CHD2: variants seen among roughly 807,000 people sequenced by gnomAD.
The protein encoded by CHD2 is chromodomain helicase DNA binding protein 2.
Under a neutral mutation model 243.9 loss-of-function variants are expected in CHD2, and 28 were observed. That is an observed-to-expected ratio of 0.11 (90% CI 0.09 to 0.16). CHD2 has a LOEUF of 0.16. Among genes scored for constraint, CHD2 ranks in the 10% least tolerant of loss-of-function variants. The pLI, the probability that CHD2 is intolerant of heterozygous loss-of-function variation, is 1.00. For synonymous variants in CHD2, 775 were observed against 779.0 expected, an observed-to-expected ratio of 0.99 and a Z score of 0.09; for missense variants, 1,386 against 2,209.8, an observed-to-expected ratio of 0.63 and a Z score of 7.47.
intron 28 of CHD2, among the ~76,000 whole-genome samples, chr15:92,993,512 G>A (rs1191497220): frequency 6.6e-6 from 1 of 152,190 alleles, no homozygotes; most frequent in Non-Finnish European, 1.5e-5. Flanking sequence ...GACATGCAGT[G>A]TGTTTTCTCT....
chr15:93,009,426 C>CCCAGAAATCTTTT (rs1567162606), intron 35 of CHD2, 103 bp downstream of exon 35: 2 of 1,171,536 alleles, frequency 1.7e-6, no homozygotes, highest in African/African-American at 3.1e-5. Flanking sequence ...AGAAATCTTT[C>CCCAGAAATCTTTT]TCCCAGCACA....
chr15:93,004,766 C>G lies in CHD2; in HGVS notation c.4413+15C>G, dbSNP rs74029217. 1 of 1,607,722 alleles carries G rather than the reference C, an allele frequency of 6.2e-7. No homozygotes were observed. The highest frequency in any genetic ancestry group is 1.7e-5 in the Admixed American group (1 of 59,436). On this transcript the variant is annotated intron_variant, in intron 34 of 38. Coordinates refer to ENST00000394196, the MANE Select transcript of CHD2 (RefSeq NM_001271.4). ...CATTCAGCATAGTAAGTCTTGAAATCGGGGGGTGCCAGTGTCTGCAGCCGC... is the reference window on the plus strand; with the variant it reads ...CATTCAGCATAGTAAGTCTTGAAATGGGGGGGTGCCAGTGTCTGCAGCCGC...
At position 93,014,726 on chromosome 15, in the gene CHD2, G is replaced by C. The variant is rs1224787087; in HGVS notation, c.4723G>C (p.Gly1575Arg). ...AAAGAAGAAAGACGACGTGACTGGG[G>C]GTAAGAAACCATTTCGTCCAGAGGC... is the stretch of plus-strand genomic sequence containing the variant. ...EQKKKDDVTG[G>R]KKPFRPEASG... The change falls in exon 37 of 39, where the codon GGT becomes CGT. Residue 1575 changes from glycine (G) to arginine (R), a missense_variant. Around this residue, in one of 19 missense-constraint regions of CHD2, gnomAD observed 347 missense variants for 341.6 expected, o/e 1.02. Transcript: ENST00000394196. 1 of 1,614,006 alleles carries C rather than the reference G, an allele frequency of 6.2e-7. No individual in the cohort carries two copies.
chr15:92,946,958 G>T (rs2053479428), intron 12 of CHD2: 1 of 152,082 alleles, frequency 6.6e-6, no homozygotes, highest in Admixed American at 6.5e-5. Context: ...TAGAGAGCGG[G>T]AAGTGATAGA....
chr15:92,918,324 A>G (rs1299860359), intron 2 of CHD2, among the ~76,000 whole-genome samples: 1 of 152,150 alleles, frequency 6.6e-6, no homozygotes, highest in Admixed American at 6.5e-5. Flanking sequence ...TTTGATTGGA[A>G]TCTGAATTCC....
chr15:92,961,508 T>C (rs1293272383), intron 16 of CHD2, among the ~76,000 whole-genome samples: 1 of 152,188 alleles, frequency 6.6e-6, no homozygotes, highest in Non-Finnish European at 1.5e-5. Flanking sequence ...CAAGGGATCC[T>C]CCCACTTCTG....
intron 17 of CHD2, among the ~76,000 whole-genome samples, chr15:92,968,129 T>G (rs2053791692): frequency 6.6e-6 from 1 of 152,230 alleles, no homozygotes; most frequent in Non-Finnish European, 1.5e-5. Flanking sequence ...CAATTTATTT[T>G]TCTTTGCCTT....
intron 12 of CHD2, chr15:92,947,025 A>G (rs2141797650): frequency 6.6e-6 from 1 of 152,262 alleles, no homozygotes; most frequent in Middle Eastern, 3.4e-3. Flanking sequence ...CTTATTTGCT[A>G]GATTGGCTGA....
intron 16 of CHD2, 66 bp downstream of exon 16, chr15:92,956,715 T>C (rs2053620769): frequency 2.1e-6 from 3 of 1,462,704 alleles, no homozygotes; most frequent in South Asian, 1.3e-5. Context: ...TTTTTAACTT[T>C]CTTAGTAGAC....
intron 5 of CHD2, among the ~76,000 whole-genome samples, chr15:92,936,518 T>TGG (rs1317823898): frequency 6.6e-6 from 1 of 152,178 alleles, no homozygotes; most frequent in Non-Finnish European, 1.5e-5. Flanking sequence ...TAAAACTGTT[T>TGG]GGGATAGTAG....
At position 92,981,339 on chromosome 15, in the gene CHD2, ATTCGTGTTGGCTTTTG is replaced by A; in HGVS notation, c.2974-22_2974-7del. On this transcript the variant is annotated splice_polypyrimidine_tract_variant and intron_variant, in intron 23 of 38. Transcript: ENST00000394196. ...AACTCATCTGTTGCCATTTTATTCT[ATTCGTGTTGGCTTTTG>A]TTCTTTTAGGAAATGGATATAGATG... 1 of 1,562,924 alleles carries A rather than the reference ATTCGTGTTGGCTTTTG, an allele frequency of 6.4e-7. No individual in the cohort carries two copies. The highest frequency in any genetic ancestry group is 1.1e-5 in the South Asian group (1 of 89,510).
chr15:92,993,305 T>A, intron 28 of CHD2: 1 of 274,192 alleles, frequency 3.6e-6, no homozygotes, highest in East Asian at 8.0e-5. Context: ...GGTGGACACC[T>A]CTGTATTTTG....
chr15:92,999,083 C>CAAAAAAAAA (rs55738843), intron 31 of CHD2, among the ~76,000 whole-genome samples: 14 of 65,528 alleles, frequency 2.1e-4, no homozygotes, highest in Non-Finnish European at 2.4e-4. Flanking sequence ...GACTCCGTCT[C>CAAAAAAAAA]AAAAAAAAAA....
In CHD2 at chr15:93,027,169, T is replaced by C. The variant is rs922001614; in HGVS notation, c.*2464T>C. On this transcript the variant is annotated 3_prime_UTR_variant, in exon 39 of 39. Transcript: ENST00000394196. ...AAAAAGGAAGCATTTCTTCATTGAT[T>C]TAAATCAGTATGAATATTATATGCC... The C allele has an allele frequency of 1.3e-5, 2 of 152,628 alleles. No homozygotes were observed. Among genetic ancestry groups the C allele is most frequent in the Admixed American group, 1.3e-4 (2 of 15,280 alleles). 9.5% of individuals were successfully genotyped at this position (152,628 alleles called of 1,614,324 possible). A position where few individuals can be genotyped will look rare whatever the true frequency, so the allele number is the denominator to read the frequency against.
At chr15:92,976,215 A>G (rs1295044529) in intron 20 of CHD2, among the ~76,000 whole-genome samples, 1 of 152,134 alleles carries the variant, frequency 6.6e-6, no homozygotes, top group African/African-American at 2.4e-5. Context: ...CTTTTTGCAT[A>G]GCTCTCAGTT....
chr15:92,971,680 C>A, intron 17 of CHD2, 85 bp from the exon 18 acceptor site: 2 of 1,214,356 alleles, frequency 1.6e-6, no homozygotes, highest in Non-Finnish European at 2.2e-6. Flanking sequence ...CTCCACAATA[C>A]TACTACTATC....
rs541392047 is a variant in CHD2 at position 92,914,772 on chromosome 15, T to A, written c.63-9549T>A. 1.1e-4 allele frequency among the ~76,000 whole-genome samples: 17 copies of A among 152,298 alleles called. No homozygotes were observed. The South Asian group carries it at 2.1e-3, about 19-fold the overall frequency. Reference sequence around the variant, plus strand: ...GATCTAATTGGATTTTATTATTGATTAACAAATTAGGTAGCACCCCATCTA... The same window carrying A: ...GATCTAATTGGATTTTATTATTGATAAACAAATTAGGTAGCACCCCATCTA... On this transcript the variant is annotated intron_variant, in intron 2 of 38. Transcript: ENST00000394196.
intron 16 of CHD2, among the ~76,000 whole-genome samples, chr15:92,966,055 T>C (rs1225441191): frequency 1.3e-5 from 2 of 151,352 alleles, no homozygotes; most frequent in Non-Finnish European, 2.9e-5. Context: ...TCTTTCTTTC[T>C]TTTTTCTTTT....
intron 2 of CHD2, chr15:92,904,367 G>T: frequency 1.1e-6 from 1 of 872,954 alleles, no homozygotes; most frequent in Non-Finnish European, 1.4e-6. Flanking sequence ...GGCGCCTTCG[G>T]CAGCCTCCGC....
Sources: gnomAD v4.1 joint callset for allele counts (sites outside exome capture counted in the v4.1 genomes callset) on GRCh38, gnomAD v4.1.1 for gene constraint, gnomAD v4.1.1 regional missense constraint, MANE v1.5 for transcripts, NCBI Gene and HGNC (gene_info 2026-07-23, HGNC 2026-07-21) for gene names.